The following KCNQ1OT1 variants were observed in gnomAD, a reference collection of about 807,000 sequenced individuals.
KCNQ1OT1 encodes the protein KCNQ1 antisense RNA 2 (non-protein coding).
exon 1 of KCNQ1OT1, chr11:2,622,715 A>G (rs1849195239): frequency 5.0e-6 from 2 of 398,360 alleles, no homozygotes; most frequent in Admixed American, 4.4e-5. Flanking sequence ...TGTGTATTTT[A>G]AAGACTTTAT....
exon 1 of KCNQ1OT1, chr11:2,694,155 AGAGGG>A: frequency 2.5e-6 from 1 of 398,668 alleles, no homozygotes; most frequent in Non-Finnish European, 4.4e-6. Context: ...TGACCAGGGA[AGAGGG>A]TACTCTGATT....
exon 1 of KCNQ1OT1, chr11:2,631,313 A>G (rs903360062): frequency 2.8e-5 from 11 of 398,338 alleles, no homozygotes; most frequent in Admixed American, 4.4e-5. Context: ...TTATTTTCAA[A>G]TAATTTATCC....
Position 2,678,203 on chromosome 11 carries a change from A to C in KCNQ1OT1, n.21792T>G, listed in dbSNP as rs534548640. 1.5e-4 allele frequency: 59 copies of C among 398,338 alleles called. 1 individual carries two copies. The South Asian group carries it at 7.0e-3, about 47-fold the overall frequency. 24.7% of individuals were successfully genotyped at this position (398,338 alleles called of 1,614,324 possible). Reference sequence around the variant, plus strand: ...TGGCAGAATTTTTTTAATTTCACATAGTCAGCTGTGTCAGTCTTTTATGGT... The same window carrying C: ...TGGCAGAATTTTTTTAATTTCACATCGTCAGCTGTGTCAGTCTTTTATGGT... On this transcript the variant is annotated non_coding_transcript_exon_variant, in exon 1 of 1. Transcript: ENST00000597346. The surrounding 1 kb of genome is among the most constrained non-coding windows in gnomAD (Gnocchi z 4.9).
Position 2,661,439 on chromosome 11 carries a change from G to A in KCNQ1OT1, n.38556C>T, listed in dbSNP as rs543191799. 23 of 438,022 alleles carry A rather than the reference G, an allele frequency of 5.3e-5. No homozygotes were observed. Among genetic ancestry groups the A allele is most frequent in the African/African-American group, 4.2e-4 (21 of 50,096 alleles). 27.1% of individuals were successfully genotyped at this position (438,022 alleles called of 1,614,324 possible). Reference sequence around the variant, plus strand: ...ATTGGGGGTACAACTGGTTGATGTAGCATCGTGTTTTGAGGAAGGAGTTCT... The same window carrying A: ...ATTGGGGGTACAACTGGTTGATGTAACATCGTGTTTTGAGGAAGGAGTTCT... On this transcript the variant is annotated non_coding_transcript_exon_variant, in exon 1 of 1. Coordinates refer to ENST00000597346, the Ensembl canonical transcript of KCNQ1OT1. This position sits in a 1 kb window ranked among gnomAD's most constrained non-coding sequence, Gnocchi z 5.9.
Position 2,668,596 on chromosome 11 carries a change from T to C in KCNQ1OT1, n.31399A>G. ...TCATTTAGTCAGATACATCATTCTG[T>C]ATAAATTGCCTACATCTTCTGCCTG... On this transcript the variant is annotated non_coding_transcript_exon_variant, in exon 1 of 1. Coordinates refer to ENST00000597346, the Ensembl canonical transcript of KCNQ1OT1. The surrounding 1 kb of genome is among the most constrained non-coding windows in gnomAD (Gnocchi z 4.3). 2.5e-6 allele frequency: 1 copy of C among 398,648 alleles called. No individual in the cohort carries two copies. The highest frequency in any genetic ancestry group is 3.6e-5 in the East Asian group (1 of 28,074). 24.7% of individuals were successfully genotyped at this position (398,648 alleles called of 1,614,324 possible).
exon 1 of KCNQ1OT1, chr11:2,629,517 G>C (rs543135918): frequency 5.0e-6 from 2 of 398,390 alleles, no homozygotes; most frequent in South Asian, 2.5e-4. Flanking sequence ...TATGGAGTTA[G>C]GTAAAGGTCT....
In KCNQ1OT1 at chr11:2,677,985, A is replaced by AT. The variant is rs1244622649; in HGVS notation, n.22009dup. ...TTAATTTACATTTCTTTTGTTGGAA[A>AT]TGAGGTTTTTATCTTTCCAAATGCT... On this transcript the variant is annotated non_coding_transcript_exon_variant, in exon 1 of 1. Coordinates refer to ENST00000597346, the Ensembl canonical transcript of KCNQ1OT1. This position sits in a 1 kb window ranked among gnomAD's most constrained non-coding sequence, Gnocchi z 4.5. 1.3e-5 allele frequency: 5 copies of AT among 397,102 alleles called. No homozygotes were observed. Among genetic ancestry groups the AT allele is most frequent in the African/African-American group, 1.0e-4 (5 of 47,960 alleles). 24.6% of individuals were successfully genotyped at this position (397,102 alleles called of 1,614,324 possible).
At chr11:2,696,233 T>G (rs1425052204) in exon 1 of KCNQ1OT1, 2 of 398,666 alleles carry the variant, frequency 5.0e-6, no homozygotes, top group Non-Finnish European at 8.8e-6. Context: ...ATTAAACAAA[T>G]GGCAACTACC....
At chr11:2,619,260 T>C (rs1292882210) in exon 1 of KCNQ1OT1, 2 of 398,444 alleles carry the variant, frequency 5.0e-6, no homozygotes, top group East Asian at 3.6e-5. Context: ...TACTGGTTCA[T>C]AGTAGAAGGG....
chr11:2,675,447 TC>T, exon 1 of KCNQ1OT1: 1 of 398,566 alleles, frequency 2.5e-6, no homozygotes, highest in Non-Finnish European at 4.4e-6. Context: ...TAAAAGATGA[TC>T]TGAAAATGGA....
At position 2,666,405 on chromosome 11, in the gene KCNQ1OT1, A is replaced by G. The variant is rs1199467504; in HGVS notation, n.33590T>C. On this transcript the variant is annotated non_coding_transcript_exon_variant, in exon 1 of 1. Transcript: ENST00000597346. ...CAGCTTCGCAAATCCTTGAGCAAAA[A>G]CAGCCCCGTGTGCGTTAATTAGAAT... 1.0e-5 allele frequency: 4 copies of G among 398,578 alleles called. No individual in the cohort carries two copies. In the East Asian group the frequency reaches 1.1e-4, roughly 11 times the overall value. The allele number at this position is 398,578 out of a possible 1,614,324, so 24.7% of individuals were successfully genotyped here.
chr11:2,697,165 T>G, exon 1 of KCNQ1OT1: 3 of 398,658 alleles, frequency 7.5e-6, no homozygotes. Context: ...TATGTGCTTG[T>G]ATAGTTCTGC....
exon 1 of KCNQ1OT1, chr11:2,666,716 A>G: frequency 2.5e-6 from 1 of 398,718 alleles, no homozygotes; most frequent in Non-Finnish European, 4.4e-6. Flanking sequence ...GTCCACTGTG[A>G]CCTACTCCCA....
exon 1 of KCNQ1OT1, chr11:2,616,527 T>A (rs531277064): frequency 1.0e-5 from 4 of 398,092 alleles, no homozygotes; most frequent in African/African-American, 8.2e-5. Flanking sequence ...CATTCACAGC[T>A]ATAATTTTTC....
chr11:2,632,064 T>A (rs1399382584), exon 1 of KCNQ1OT1: 1 of 395,776 alleles, frequency 2.5e-6, no homozygotes, highest in African/African-American at 2.1e-5. Flanking sequence ...GTGCCTGTAG[T>A]CCCAGCTACT....
chr11:2,670,629 CATGGCAGAGGCCAGG>C lies in KCNQ1OT1; in HGVS notation n.29351_29365del, dbSNP rs1850166282. 1 of 398,498 alleles carries C rather than the reference CATGGCAGAGGCCAGG, an allele frequency of 2.5e-6. No homozygotes were observed. Among genetic ancestry groups the C allele is most frequent in the East Asian group, 3.6e-5 (1 of 28,078 alleles). 24.7% of individuals were successfully genotyped at this position (398,498 alleles called of 1,614,324 possible). A position where few individuals can be genotyped will look rare whatever the true frequency, so the allele number is the denominator to read the frequency against. On this transcript the variant is annotated non_coding_transcript_exon_variant, in exon 1 of 1. Transcript: ENST00000597346. The surrounding 1 kb of genome is among the most constrained non-coding windows in gnomAD (Gnocchi z 4.9). ...CAATCTCTGGGGGAGCCTGGATATG[CATGGCAGAGGCCAGG>C]ATGAACCCTGAAGATTGGTAGGAAG...
rs879588128 is a variant in KCNQ1OT1, at chr11:2,687,256, G to A, written n.12739C>T. On this transcript the variant is annotated non_coding_transcript_exon_variant, in exon 1 of 1. Transcript: ENST00000597346. This position sits in a 1 kb window ranked among gnomAD's most constrained non-coding sequence, Gnocchi z 5.0. ...CTCAGCCAGCATCACTACCAGCTCC[G>A]GGCTTCTCTCCTCTGGCCTCCCACC... 3.8e-5 allele frequency: 15 copies of A among 398,488 alleles called. No homozygotes were observed. Among genetic ancestry groups the A allele is most frequent in the East Asian group, 7.1e-5 (2 of 28,088 alleles). 24.7% of individuals were successfully genotyped at this position (398,488 alleles called of 1,614,324 possible).
chr11:2,644,046 A>T (rs1033525121), exon 1 of KCNQ1OT1: 3 of 398,354 alleles, frequency 7.5e-6, no homozygotes, highest in Non-Finnish European at 8.8e-6. Flanking sequence ...TTGTCTTGGG[A>T]TGGGCAATTT....
At position 2,612,354 on chromosome 11, in the gene KCNQ1OT1, C is replaced by T. The variant is rs993913570; in HGVS notation, n.87641G>A. 2 of 398,508 alleles carry T rather than the reference C, an allele frequency of 5.0e-6. No individual in the cohort carries two copies. Among genetic ancestry groups the T allele is most frequent in the Non-Finnish European group, 8.8e-6 (2 of 226,088 alleles). The allele number at this position is 398,508 out of a possible 1,614,324, so 24.7% of individuals were successfully genotyped here. A position where few individuals can be genotyped will look rare whatever the true frequency, so the allele number is the denominator to read the frequency against. On this transcript the variant is annotated non_coding_transcript_exon_variant, in exon 1 of 1. Transcript: ENST00000597346. The surrounding 1 kb of genome is among the most constrained non-coding windows in gnomAD (Gnocchi z 5.5). ...AACTGGCTGTGGAAAAATTGTCTTCCACAAAACTGGTCCCTCATGCCAAAA... is the reference window on the plus strand; with the variant it reads ...AACTGGCTGTGGAAAAATTGTCTTCTACAAAACTGGTCCCTCATGCCAAAA...
Sources: allele counts gnomAD v4.1 joint callset, GRCh38; gene constraint gnomAD v4.1.1; non-coding constraint Gnocchi (gnomAD v3.1); transcripts MANE v1.5; gene names NCBI Gene and HGNC (gene_info 2026-07-23, HGNC 2026-07-21).